Variants in MNAT1 observed in about 807,000 individuals in gnomAD.
MNAT1 encodes CDK-activating kinase assembly factor MAT1.
Under a neutral mutation model 42.0 loss-of-function variants are expected in MNAT1, and 43 were observed. The ratio of observed to expected loss-of-function variants is 1.02; its 90% confidence interval spans 0.80 to 1.32. MNAT1 has a LOEUF of 1.32. MNAT1 is among the 40% of genes most tolerant of loss of function. The probability of loss-of-function intolerance (pLI) is 0.00; values close to 1 mark genes in which losing one functional copy is unlikely to be tolerated. For synonymous variants in MNAT1, 118 were observed against 120.0 expected (o/e 0.98, Z 0.11); for missense variants, 306 against 350.4 (o/e 0.87, Z 1.01).
At chr14:60,831,321 C>T (rs771122032) in intron 6 of MNAT1, among the ~76,000 whole-genome samples, 3 of 152,090 alleles carry the variant, frequency 2.0e-5, no homozygotes, top group Non-Finnish European at 2.9e-5. Context: ...AATGCTATCC[C>T]TCCCCTAGCT....
intron 7 of MNAT1, among the ~76,000 whole-genome samples, chr14:60,944,943 A>G (rs995392176): frequency 6.6e-6 from 1 of 152,212 alleles, no homozygotes; most frequent in African/African-American, 2.4e-5. Flanking sequence ...CCAAGGAAAT[A>G]AATATTTAGA....
intron 7 of MNAT1, among the ~76,000 whole-genome samples, chr14:60,952,770 C>A (rs2036408830): frequency 6.6e-6 from 1 of 151,904 alleles, no homozygotes; most frequent in Non-Finnish European, 1.5e-5. Context: ...GAAGGACAGA[C>A]CAAAAGAGAT....
intron 7 of MNAT1, among the ~76,000 whole-genome samples, chr14:60,924,603 G>A (rs2035728270): frequency 6.8e-6 from 1 of 146,600 alleles, no homozygotes; most frequent in Admixed American, 7.1e-5. Flanking sequence ...CTTCTGTACT[G>A]TAAAACTAGC....
chr14:60,961,311 A>G (rs1292869878), intron 7 of MNAT1, among the ~76,000 whole-genome samples: 3 of 152,218 alleles, frequency 2.0e-5, no homozygotes, highest in African/African-American at 4.8e-5. Context: ...GCCCTTGAAT[A>G]AAATCCACAG....
intron 7 of MNAT1, among the ~76,000 whole-genome samples, chr14:60,893,811 C>G (rs1285883151): frequency 6.6e-6 from 1 of 151,984 alleles, no homozygotes; most frequent in Admixed American, 6.6e-5. Context: ...GTGTTGCTCC[C>G]CTATAGTAGA....
At chr14:60,853,718 C>G (rs1406935692) in intron 6 of MNAT1, among the ~76,000 whole-genome samples, 1 of 152,090 alleles carries the variant, frequency 6.6e-6, no homozygotes, top group Non-Finnish European at 1.5e-5. Flanking sequence ...GAGATACATT[C>G]CACCAATACC....
At chr14:60,786,234 A>G (rs1188064079) in intron 1 of MNAT1, among the ~76,000 whole-genome samples, 1 of 152,104 alleles carries the variant, frequency 6.6e-6, no homozygotes, top group African/African-American at 2.4e-5. Context: ...TCTAATCAAG[A>G]GAAAGAGGTA....
At chr14:60,887,717 C>G (rs9743735) in intron 7 of MNAT1, among the ~76,000 whole-genome samples, 1,981 of 150,150 alleles carry the variant, frequency 0.013, 41 homozygotes, top group African/African-American at 0.045. Flanking sequence ...TAATAAAGAA[C>G]AAAAGAGAGA....
intron 1 of MNAT1, among the ~76,000 whole-genome samples, chr14:60,773,413 A>G (rs1180323987): frequency 1.3e-5 from 2 of 152,196 alleles, no homozygotes; most frequent in Non-Finnish European, 2.9e-5. Context: ...AACAAATGTG[A>G]TCACTGTGTT....
chr14:60,737,897 A>G (rs1788596011), intron 1 of MNAT1, among the ~76,000 whole-genome samples: 2 of 148,768 alleles, frequency 1.3e-5, no homozygotes, highest in South Asian at 2.1e-4. Flanking sequence ...CGCCCAGGCT[A>G]GAGTGCAGTG....
In MNAT1 at chr14:60,810,045, C is replaced by G. The variant is rs113662915; in HGVS notation, c.420+1617C>G. On this transcript the variant is annotated intron_variant, in intron 4 of 7. Coordinates refer to ENST00000261245, the MANE Select transcript of MNAT1 (RefSeq NM_002431.4). ...CTAGTTCTAGGTCTTTTCAGATTTC[C>G]TGTTTCTTCATAATTTGGTCTTGGT... is the stretch of plus-strand genomic sequence containing the variant. Among the ~76,000 whole-genome samples, 837 of 152,054 alleles carry G rather than the reference C, an allele frequency of 5.5e-3. 3 individuals carry two copies. Among genetic ancestry groups the G allele is most frequent in the Non-Finnish European group, 8.7e-3 (588 of 67,914 alleles).
chr14:60,944,554 G>A (rs1341406884), intron 7 of MNAT1, among the ~76,000 whole-genome samples: 1 of 152,188 alleles, frequency 6.6e-6, no homozygotes, highest in Non-Finnish European at 1.5e-5. Context: ...TTTTGTTATA[G>A]CAGTTGAAGT....
intron 7 of MNAT1, among the ~76,000 whole-genome samples, chr14:60,928,949 C>A (rs1373814548): frequency 1.3e-5 from 2 of 150,978 alleles, no homozygotes; most frequent in Non-Finnish European, 3.0e-5. Flanking sequence ...GAGATCAAGA[C>A]CATCCTGGCT....
At chr14:60,794,100 G>T (rs1197863631) in intron 1 of MNAT1, among the ~76,000 whole-genome samples, 1 of 152,034 alleles carries the variant, frequency 6.6e-6, no homozygotes, top group Non-Finnish European at 1.5e-5. Context: ...CCAAGACCTT[G>T]AGATATATTA....
intron 7 of MNAT1, among the ~76,000 whole-genome samples, chr14:60,934,490 G>A (rs541373693): frequency 1.3e-5 from 2 of 152,150 alleles, no homozygotes; most frequent in African/African-American, 2.4e-5. Flanking sequence ...TCAAGGGGGC[G>A]GGTCTTTTCC....
intron 7 of MNAT1, among the ~76,000 whole-genome samples, chr14:60,885,735 G>C (rs2034654076): frequency 6.6e-6 from 1 of 151,904 alleles, no homozygotes; most frequent in Non-Finnish European, 1.5e-5. Flanking sequence ...TCATTTTGTT[G>C]TTTATTTCCT....
At chr14:60,966,166 G>A (rs184549861) in intron 7 of MNAT1, among the ~76,000 whole-genome samples, 90 of 151,502 alleles carry the variant, frequency 5.9e-4, no homozygotes, top group East Asian at 5.0e-3. Flanking sequence ...TCACTCTGTT[G>A]CCCAGGCTGG....
intron 1 of MNAT1, among the ~76,000 whole-genome samples, chr14:60,746,120 G>A (rs1168155665): frequency 3.3e-5 from 5 of 152,124 alleles, no homozygotes; most frequent in Admixed American, 1.3e-4. Context: ...ATAGACTAGC[G>A]AGTTATAGGC....
intron 6 of MNAT1, among the ~76,000 whole-genome samples, chr14:60,834,229 G>C (rs1158243815): frequency 6.6e-6 from 1 of 151,748 alleles, no homozygotes; most frequent in East Asian, 1.9e-4. Flanking sequence ...GAATTTCTTT[G>C]GTCTTTCTTC....
Sources: allele counts gnomAD v4.1 joint callset (sites outside exome capture counted in the v4.1 genomes callset), GRCh38; gene constraint gnomAD v4.1.1; transcripts MANE v1.5; gene names NCBI Gene and HGNC (gene_info 2026-07-23, HGNC 2026-07-21).